The following MRE11 variants were observed in gnomAD, a reference collection of about 807,000 sequenced individuals.
MRE11 encodes double-strand break repair protein MRE11.
Under a neutral mutation model 91.7 loss-of-function variants are expected in MRE11, and 62 were observed. That is an observed-to-expected ratio of 0.68 (90% CI 0.55 to 0.84). The LOEUF (loss-of-function observed/expected upper bound fraction) is 0.84. Among genes scored for constraint, MRE11 ranks in the 40% least tolerant of loss-of-function variants. MRE11 has a pLI of 0.00. For synonymous variants in MRE11, 273 were observed against 271.4 expected (o/e 1.01, Z -0.06); for missense variants, 796 against 852.9 (o/e 0.93, Z 0.83).
intron 3 of MRE11, 53 bp downstream of exon 3, chr11:94,490,780 C>T (rs1947262655): frequency 6.3e-7 from 1 of 1,599,034 alleles, no homozygotes; most frequent in South Asian, 1.1e-5. Context: ...GGAAAAATAA[C>T]TTGTTAACCA....
At chr11:94,505,035 T>C in the MRE11 span, among the ~76,000 whole-genome samples, 1 of 152,224 alleles carries the variant, frequency 6.6e-6, no homozygotes, top group Admixed American at 6.5e-5. Context: ...GCACAACACA[T>C]TACTCACATG....
intron 1 of MRE11, chr11:94,493,494 GA>G (rs1947349512): frequency 6.6e-6 from 1 of 152,122 alleles, no homozygotes; most frequent in South Asian, 2.1e-4. Context: ...ACCACATCTG[GA>G]GCTCCAGATT....
chr11:94,459,739 C>A (rs1360371185), intron 12 of MRE11, among the ~76,000 whole-genome samples, 158 bp from the exon 13 acceptor site: 1 of 152,134 alleles, frequency 6.6e-6, no homozygotes, highest in Non-Finnish European at 1.5e-5. Context: ...AAAGCAAAGT[C>A]AAAACCAGAA....
Position 94,470,540 on chromosome 11 carries a change from A to G in MRE11, c.948T>C (p.Asn316=). The part of the protein sequence containing the change: ...QFFMEDIVLA[N]HPDIFNPDNP... ...TATCTGGGTTAAAAATGTCTGGATG[A>G]TTAGCTAGAACAATATCCTCCATGA... Residue 316 remains asparagine, a synonymous_variant, in exon 9 of 20, where the codon AAT becomes AAC. Coordinates refer to ENST00000323929, the MANE Select transcript of MRE11 (RefSeq NM_005591.4). The G allele has an allele frequency of 1.2e-6, 2 of 1,613,296 alleles. No individual in the cohort carries two copies. Among genetic ancestry groups the G allele is most frequent in the Non-Finnish European group, 1.7e-6 (2 of 1,179,426 alleles).
chr11:94,434,382 C>T (rs1945543821), intron 18 of MRE11, among the ~76,000 whole-genome samples: 1 of 152,024 alleles, frequency 6.6e-6, no homozygotes, highest in Non-Finnish European at 1.5e-5. Context: ...GTTTTTGGCC[C>T]TCTCAGACTC....
chr11:94,420,755 G>A (rs1029430020), intron 19 of MRE11, among the ~76,000 whole-genome samples: 1 of 152,204 alleles, frequency 6.6e-6, no homozygotes, highest in South Asian at 2.1e-4. Context: ...CATGCTGGCC[G>A]GGCGCGGTGG....
the MRE11 span, among the ~76,000 whole-genome samples, chr11:94,503,695 C>CA: frequency 0.071 from 8,836 of 124,578 alleles, 909 homozygotes; most frequent in African/African-American, 0.23. Flanking sequence ...GACTCCGTGT[C>CA]AAAAAAAAAA....
At chr11:94,482,387 T>C (rs1028364790) in intron 4 of MRE11, among the ~76,000 whole-genome samples, 4 of 152,154 alleles carry the variant, frequency 2.6e-5, no homozygotes, top group African/African-American at 9.7e-5. Context: ...TGCTAAACTT[T>C]CTAGCAACTC....
the MRE11 span, among the ~76,000 whole-genome samples, chr11:94,500,491 C>G: frequency 1.3e-5 from 2 of 152,200 alleles, no homozygotes; most frequent in Admixed American, 6.5e-5. Context: ...CTTCTACTTT[C>G]CAGTTTAGGC....
At chr11:94,456,235 A>T (rs1946244829) in intron 14 of MRE11, 41 bp downstream of exon 14, 4 of 1,563,688 alleles carry the variant, frequency 2.6e-6, no homozygotes, top group Non-Finnish European at 2.6e-6. Flanking sequence ...TAGTTTAAGA[A>T]AGTGATATAT....
intron 9 of MRE11, among the ~76,000 whole-genome samples, chr11:94,469,840 G>A (rs996209541): frequency 3.3e-5 from 5 of 152,122 alleles, no homozygotes; most frequent in Non-Finnish European, 5.9e-5. Flanking sequence ...TAGTAGGACA[G>A]CTGACACAGA....
rs1383956117 is a variant in MRE11, at chr11:94,419,286, T to C, written c.*839A>G. On this transcript the variant is annotated 3_prime_UTR_variant, in exon 20 of 20. Transcript: ENST00000323929. ...CATTGACATTCCACATTAAATATATTTCTATACTTTACTGTAAGGTTCAAC... is the reference window on the plus strand; with the variant it reads ...CATTGACATTCCACATTAAATATATCTCTATACTTTACTGTAAGGTTCAAC... 1.3e-5 allele frequency: 3 copies of C among 232,896 alleles called. No homozygotes were observed. The highest frequency in any genetic ancestry group is 2.5e-5 in the Non-Finnish European group (3 of 117,936). The allele number at this position is 232,896 out of a possible 1,614,324, so 14.4% of individuals were successfully genotyped here.
chr11:94,454,772 C>T (rs370572314), intron 14 of MRE11, among the ~76,000 whole-genome samples: 6 of 152,052 alleles, frequency 3.9e-5, no homozygotes, highest in Admixed American at 2.6e-4. Context: ...TGAGGTTTGT[C>T]GCTTCAAACA....
At chr11:94,498,477 A>ATCAC (rs760076583), upstream of MRE11, 9 of 1,613,828 alleles carry the variant, frequency 5.6e-6, no homozygotes, top group Non-Finnish European at 6.8e-6. Flanking sequence ...ACAAGTATCT[A>ATCAC]TCACTACCTC....
intron 18 of MRE11, among the ~76,000 whole-genome samples, chr11:94,434,414 A>G (rs1268600146): frequency 6.6e-6 from 1 of 152,154 alleles, no homozygotes; most frequent in Non-Finnish European, 1.5e-5. Context: ...AAAAAATTTC[A>G]TTCTTTAAGT....
Position 94,419,388 on chromosome 11 carries a change from A to G in MRE11, c.*737T>C. The G allele has an allele frequency of 4.3e-6, 1 of 232,690 alleles. No homozygotes were observed. The highest frequency in any genetic ancestry group is 6.1e-5 in the East Asian group (1 of 16,474). The allele number at this position is 232,690 out of a possible 1,614,324, so 14.4% of individuals were successfully genotyped here. ...AACAATTTTTAACCCGTTTCCTCCT[A>G]GAACTAGGCACGCATATATGTATGA... On this transcript the variant is annotated 3_prime_UTR_variant, in exon 20 of 20. Transcript: ENST00000323929.
chr11:94,421,120 TTTAA>T (rs1945160115), intron 19 of MRE11, among the ~76,000 whole-genome samples: 1 of 152,108 alleles, frequency 6.6e-6, no homozygotes, highest in African/African-American at 2.4e-5. Flanking sequence ...TAACTAATAA[TTTAA>T]TTAAAGAGAA....
At chr11:94,504,565 A>C in the MRE11 span, among the ~76,000 whole-genome samples, 1 of 152,192 alleles carries the variant, frequency 6.6e-6, no homozygotes, top group African/African-American at 2.4e-5. Context: ...CTATATAAGA[A>C]GGATTTGGTT....
Position 94,478,982 on chromosome 11 carries a change from A to T in MRE11, c.403-106T>A. 4 of 1,265,256 alleles carry T rather than the reference A, an allele frequency of 3.2e-6. No individual in the cohort carries two copies. In the South Asian group the frequency reaches 5.0e-5, roughly 16 times the overall value. 78.4% of individuals were successfully genotyped at this position (1,265,256 alleles called of 1,614,324 possible). On this transcript the variant is annotated intron_variant, in intron 5 of 19. Transcript: ENST00000323929. ...CATACTCCATATTCTACTTACAAAA[A>T]CATAGATGAGGATAGTGTCTTCTCA... is the stretch of plus-strand genomic sequence containing the variant.
Sources: allele counts gnomAD v4.1 joint callset (sites outside exome capture counted in the v4.1 genomes callset), GRCh38; gene constraint gnomAD v4.1.1; transcripts MANE v1.5; gene names NCBI Gene and HGNC (gene_info 2026-07-23, HGNC 2026-07-21).